The following MYO1E variants were observed in gnomAD, a reference collection of about 807,000 sequenced individuals.
The protein encoded by MYO1E is unconventional myosin-Ie.
MYO1E carries 68 observed loss-of-function variants against 151.1 expected under a neutral mutation model. That is an observed-to-expected ratio of 0.45 (90% CI 0.37 to 0.55). MYO1E has a LOEUF of 0.55. Among genes scored for constraint, MYO1E ranks in the 20% least tolerant of loss-of-function variants. MYO1E has a pLI of 0.00. For synonymous variants in MYO1E, 601 were observed against 501.7 expected (o/e 1.20, Z -2.64); for missense variants, 1,363 against 1,389.3 (o/e 0.98, Z 0.30).
At chr15:59,168,403 A>C (rs2079573777) in intron 22 of MYO1E, among the ~76,000 whole-genome samples, 1 of 151,930 alleles carries the variant, frequency 6.6e-6, no homozygotes, top group African/African-American at 2.4e-5. Context: ...AAAATTAGCC[A>C]GAAGTGGGGG....
chr15:59,330,641 GC>G (rs1336733265), intron 1 of MYO1E, among the ~76,000 whole-genome samples: 1 of 152,074 alleles, frequency 6.6e-6, no homozygotes. Flanking sequence ...ATTTACAATA[GC>G]ACCCTCCATT....
intron 16 of MYO1E, among the ~76,000 whole-genome samples, chr15:59,200,985 C>T (rs1292710270): frequency 2.0e-5 from 3 of 152,122 alleles, no homozygotes; most frequent in African/African-American, 4.8e-5. Context: ...GATTGTAAAA[C>T]TGAGGAAGTA....
chr15:59,144,735 A>T (rs1380016592), intron 26 of MYO1E, among the ~76,000 whole-genome samples: 2 of 152,224 alleles, frequency 1.3e-5, no homozygotes, highest in Non-Finnish European at 2.9e-5. Flanking sequence ...CTTGGAACAC[A>T]GTTGGTGGGA....
intron 16 of MYO1E, among the ~76,000 whole-genome samples, chr15:59,196,796 T>G (rs1304338539): frequency 1.3e-5 from 2 of 152,064 alleles, no homozygotes; most frequent in African/African-American, 4.8e-5. Flanking sequence ...AAAAGTAAAT[T>G]GCCTCTTATG....
chr15:59,199,423 C>G (rs936799100), intron 16 of MYO1E, among the ~76,000 whole-genome samples: 14 of 152,072 alleles, frequency 9.2e-5, no homozygotes, highest in African/African-American at 3.4e-4. Context: ...ATCTGAAAAG[C>G]TGAAATCCAA....
intron 14 of MYO1E, chr15:59,207,165 AGGAACT>A (rs1388640359): frequency 5.0e-6 from 8 of 1,614,140 alleles, no homozygotes; most frequent in Non-Finnish European, 6.8e-6. Context: ...TCTCCATCAT[AGGAACT>A]GGATCGGTGG....
At chr15:59,289,994 C>G (rs1479878555) in intron 1 of MYO1E, among the ~76,000 whole-genome samples, 1 of 152,232 alleles carries the variant, frequency 6.6e-6, no homozygotes, top group African/African-American at 2.4e-5. Context: ...GATCGGGGAA[C>G]GGGCATCACT....
chr15:59,191,334 G>GAGAC (rs1252410239), intron 17 of MYO1E, among the ~76,000 whole-genome samples: 1 of 79,218 alleles, frequency 1.3e-5, no homozygotes, highest in East Asian at 1.1e-3. Flanking sequence ...GACAGAGACA[G>GAGAC]AGAGAGAGAG....
chr15:59,278,231 G>C (rs1215227522), intron 1 of MYO1E, among the ~76,000 whole-genome samples: 1 of 152,172 alleles, frequency 6.6e-6, no homozygotes, highest in Non-Finnish European at 1.5e-5. Flanking sequence ...CAGCAGATTT[G>C]ATTTCAGAAA....
At chr15:59,239,029 A>G (rs1384546988) in intron 4 of MYO1E, among the ~76,000 whole-genome samples, 1 of 150,892 alleles carries the variant, frequency 6.6e-6, no homozygotes, top group African/African-American at 2.4e-5. Flanking sequence ...AACATGGTGA[A>G]TCCCCGTCTC....
chr15:59,293,535 G>C (rs533984557), intron 1 of MYO1E, among the ~76,000 whole-genome samples: 3 of 150,948 alleles, frequency 2.0e-5, no homozygotes, highest in East Asian at 3.9e-4. Context: ...GACAGAGTGA[G>C]ACTCCCTCTA....
chr15:59,206,450 C>T (rs1358561572), intron 14 of MYO1E, among the ~76,000 whole-genome samples: 4 of 152,172 alleles, frequency 2.6e-5, no homozygotes, highest in African/African-American at 4.8e-5. Flanking sequence ...AGGCCTCCAG[C>T]GCCATAGACC....
chr15:59,326,226 T>C (rs565100219), intron 1 of MYO1E, among the ~76,000 whole-genome samples: 19 of 151,340 alleles, frequency 1.3e-4, no homozygotes, highest in African/African-American at 4.4e-4. Flanking sequence ...AAGCGCACAG[T>C]AGAATTGGGT....
At chr15:59,274,149 G>T (rs1344489829) in intron 1 of MYO1E, among the ~76,000 whole-genome samples, 2 of 152,018 alleles carry the variant, frequency 1.3e-5, no homozygotes, top group East Asian at 3.9e-4. Flanking sequence ...AGCCAAGAAG[G>T]AGCTACCACA....
At chr15:59,363,058 C>T (rs1176726275) in intron 1 of MYO1E, among the ~76,000 whole-genome samples, 1 of 146,430 alleles carries the variant, frequency 6.8e-6, no homozygotes, top group Non-Finnish European at 1.5e-5. Flanking sequence ...TCACTGCAAG[C>T]TCCGCCTCCC....
chr15:59,166,410 C>T (rs2079563005), intron 22 of MYO1E, among the ~76,000 whole-genome samples: 1 of 152,134 alleles, frequency 6.6e-6, no homozygotes, highest in Non-Finnish European at 1.5e-5. Flanking sequence ...TGGATCTGCC[C>T]TTGTTTTTTT....
chr15:59,158,697 A>C (rs1474197236), intron 24 of MYO1E, among the ~76,000 whole-genome samples: 3 of 152,240 alleles, frequency 2.0e-5, no homozygotes, highest in Non-Finnish European at 4.4e-5. Flanking sequence ...GGAACATTTA[A>C]ACATTTGCAT....
intron 1 of MYO1E, among the ~76,000 whole-genome samples, chr15:59,296,101 A>G (rs1226611097): frequency 6.6e-6 from 1 of 152,232 alleles, no homozygotes; most frequent in Non-Finnish European, 1.5e-5. Flanking sequence ...AAAGCCTGTC[A>G]GCTTAGCAAT....
rs1427506362 is a variant in MYO1E, at chr15:59,256,303, T to G, written c.313A>C (p.Asn105His). The change falls in exon 4 of 28, where the codon AAC becomes CAC. Residue 105 changes from asparagine (N) to histidine (H), a missense_variant. Transcript: ENST00000288235. ...MYRNMIIDRE[N>H]QCVIISGESG... ...TCATACCTGATAATGACGCACTGGTTCTCTCTGTCAATGATCATGTTTCTG... is the reference window on the plus strand; with the variant it reads ...TCATACCTGATAATGACGCACTGGTGCTCTCTGTCAATGATCATGTTTCTG... The G allele has an allele frequency of 6.2e-7, 1 of 1,607,190 alleles. No individual in the cohort carries two copies. Among genetic ancestry groups the G allele is most frequent in the East Asian group, 2.2e-5 (1 of 44,830 alleles).
Sources: gnomAD v4.1 joint callset for allele counts (sites outside exome capture counted in the v4.1 genomes callset) on GRCh38, gnomAD v4.1.1 for gene constraint, MANE v1.5 for transcripts, NCBI Gene and HGNC (gene_info 2026-07-23, HGNC 2026-07-21) for gene names.